The following TEX2 variants were observed in gnomAD, a reference collection of about 807,000 sequenced individuals.
TEX2 encodes testis-expressed protein 2.
In TEX2, 53 loss-of-function variants were observed where a neutral mutation model predicts 106.9. The ratio of observed to expected loss-of-function variants is 0.50; its 90% CI spans 0.40 to 0.62. The LOEUF (loss-of-function observed/expected upper bound fraction) is 0.62. Among genes scored for constraint, TEX2 ranks in the 20% least tolerant of loss-of-function variants. The pLI is 0.00. For missense variants in TEX2, 1,207 were observed against 1,379.0 expected, an observed-to-expected ratio of 0.88 and a Z score of 1.98; for synonymous variants, 523 against 534.8, an observed-to-expected ratio of 0.98 and a Z score of 0.30.
At chr17:64,170,662 C>T (rs1413476443) in intron 7 of TEX2, among the ~76,000 whole-genome samples, 10 of 109,072 alleles carry the variant, frequency 9.2e-5, no homozygotes, top group African/African-American at 2.5e-4. Flanking sequence ...GACAGAGTCT[C>T]GCTCTTGTCA....
chr17:64,149,341 TATA>T (rs1294616282), intron 11 of TEX2: 82 of 434,102 alleles, frequency 1.9e-4, no homozygotes, highest in African/African-American at 1.4e-3. Flanking sequence ...TTTGTATACA[TATA>T]ATAAGGTTGC....
chr17:64,235,007 A>G (rs551185419), intron 1 of TEX2, among the ~76,000 whole-genome samples: 5 of 152,264 alleles, frequency 3.3e-5, no homozygotes, highest in Non-Finnish European at 2.9e-5. Context: ...GAATTCTTGG[A>G]AAAAAGGGCC....
intron 1 of TEX2, among the ~76,000 whole-genome samples, chr17:64,229,000 TTAAC>T (rs1353006974): frequency 6.6e-6 from 1 of 151,760 alleles, no homozygotes; most frequent in Non-Finnish European, 1.5e-5. Context: ...TATGCCACTA[TTAAC>T]TTAATCATTT....
intron 1 of TEX2, among the ~76,000 whole-genome samples, chr17:64,255,021 C>A (rs922889797): frequency 1.4e-5 from 2 of 145,580 alleles, no homozygotes; most frequent in African/African-American, 2.5e-5. Context: ...TGTGTCACTG[C>A]ATCTGGCTTT....
chr17:64,193,773 C>T lies in TEX2; in HGVS notation c.1962G>A (p.Glu654=). The change falls in exon 4 of 12, where the codon GAG becomes GAA. Residue 654 remains glutamate, a synonymous_variant. Transcript: ENST00000584379. ...CAGCTGGCGGCTTCTCTTCTGAAGT[C>T]TCCTTATCAGTCTGAGCTTTAGACA... ...DFMSKAQTDK[E]TSEEKPPAEG... The T allele has an allele frequency of 6.2e-7, 1 of 1,613,642 alleles. No individual in the cohort carries two copies. The highest frequency in any genetic ancestry group is 8.5e-7 in the Non-Finnish European group (1 of 1,179,718).
At position 64,153,256 on chromosome 17, in the gene TEX2, TG is replaced by T; in HGVS notation, c.2931-103del. The T allele has an allele frequency of 1.3e-6, 1 of 781,804 alleles. No individual in the cohort carries two copies. The highest frequency in any genetic ancestry group is 2.1e-6 in the Non-Finnish European group (1 of 477,518). The allele number at this position is 781,804 out of a possible 1,614,324, so 48.4% of individuals were successfully genotyped here. A position where few individuals can be genotyped will look rare whatever the true frequency, so the allele number is the denominator to read the frequency against. ...CCCCTTACTTTAGAGCACCACTCGA[TG>T]TTTTGGATGTGGTGATTCTGTGTTG... On this transcript the variant is annotated intron_variant, in intron 9 of 11. Transcript: ENST00000584379. This position sits in a 1 kb window ranked among gnomAD's most constrained non-coding sequence, Gnocchi z 4.1.
intron 1 of TEX2, among the ~76,000 whole-genome samples, chr17:64,249,350 C>T (rs1452059108): frequency 6.6e-6 from 1 of 152,028 alleles, no homozygotes; most frequent in Non-Finnish European, 1.5e-5. Context: ...GGAAGGAGCT[C>T]AGGAGGAGCT....
Position 64,213,913 on chromosome 17 carries a change from TG to T in TEX2, c.304del (p.Gln102ArgfsTer13). 6.2e-7 allele frequency: 1 copy of T among 1,614,188 alleles called. No individual in the cohort carries two copies. Among genetic ancestry groups the T allele is most frequent in the South Asian group, 1.1e-5 (1 of 91,080 alleles). On this transcript the variant is annotated frameshift_variant, in exon 2 of 12. Coordinates refer to ENST00000584379, the MANE Select transcript of TEX2 (RefSeq NM_001288732.2). LOFTEE classifies it high-confidence loss of function. This position sits in a 1 kb window ranked among gnomAD's most constrained non-coding sequence, Gnocchi z 4.4. ...GGAGACGGGCAAAATGGCAGGGGCCTGGGACACGGACAGTCCATCTGCCAGG... is the reference window on the plus strand; with the variant it reads ...GGAGACGGGCAAAATGGCAGGGGCCTGGACACGGACAGTCCATCTGCCAGG... Reference protein sequence around the residue: ...PVLADGLSVSQAPAILPVSKN... With the variant: ...PVLADGLSVSXAPAILPVSKN...
intron 5 of TEX2, among the ~76,000 whole-genome samples, chr17:64,184,438 G>A (rs530071087): frequency 2.0e-5 from 3 of 152,180 alleles, no homozygotes; most frequent in African/African-American, 7.2e-5. Flanking sequence ...CTTTGTTATT[G>A]AGTTGTAAGA....
In TEX2 at chr17:64,153,179, G is replaced by A. The variant is rs749224108; in HGVS notation, c.2931-25C>T. 1.0e-5 allele frequency: 16 copies of A among 1,563,068 alleles called. No individual in the cohort carries two copies. The highest frequency in any genetic ancestry group is 3.4e-5 in the South Asian group (3 of 88,552). On this transcript the variant is annotated intron_variant, in intron 9 of 11. Coordinates refer to ENST00000584379, the MANE Select transcript of TEX2 (RefSeq NM_001288732.2). This position sits in a 1 kb window ranked among gnomAD's most constrained non-coding sequence, Gnocchi z 4.1. ...CCTTCAAATGTGGAACACAAAGGGC[G>A]GTTAGCACAAACTTTGCTCTTTTCA...
chr17:64,200,736 GA>G (rs1223673428), intron 2 of TEX2, among the ~76,000 whole-genome samples: 2 of 152,178 alleles, frequency 1.3e-5, no homozygotes, highest in African/African-American at 4.8e-5. Flanking sequence ...TGAGAGGCAA[GA>G]AGTAGGTAGG....
At chr17:64,160,750 A>C in intron 8 of TEX2, 51 bp downstream of exon 8, 8 of 1,603,980 alleles carry the variant, frequency 5.0e-6, no homozygotes, top group Non-Finnish European at 6.8e-6. Flanking sequence ...GGCTGGAGGG[A>C]GAAGCTGGTG....
At chr17:64,175,010 G>A (rs1598140749) in intron 6 of TEX2, among the ~76,000 whole-genome samples, 1 of 152,180 alleles carries the variant, frequency 6.6e-6, no homozygotes, top group South Asian at 2.1e-4. Context: ...AGGGAGATCT[G>A]TGTCACAGGG....
chr17:64,212,135 A>AGCACC (rs1189038227), intron 2 of TEX2, among the ~76,000 whole-genome samples: 2 of 152,204 alleles, frequency 1.3e-5, no homozygotes, highest in African/African-American at 4.8e-5. Context: ...AGGAAAGAGG[A>AGCACC]GCACCAGCAG....
chr17:64,262,054 T>C (rs1555638627), intron 1 of TEX2, among the ~76,000 whole-genome samples: 1 of 152,218 alleles, frequency 6.6e-6, no homozygotes, highest in South Asian at 2.1e-4. Context: ...TACACCTGGC[T>C]CCTGAAATGA....
Position 64,185,883 on chromosome 17 carries a change from T to C in TEX2, c.2424+2285A>G, listed in dbSNP as rs939534071. Among the ~76,000 whole-genome samples, 7 of 151,938 alleles carry C rather than the reference T, an allele frequency of 4.6e-5. No homozygotes were observed. Among genetic ancestry groups the C allele is most frequent in the Admixed American group, 2.0e-4 (3 of 15,248 alleles). On this transcript the variant is annotated intron_variant, in intron 5 of 11. Transcript: ENST00000584379. This position sits in a 1 kb window ranked among gnomAD's most constrained non-coding sequence, Gnocchi z 4.0. ...ATGGCAGTGAGCCAAGATCACGCCA[T>C]TGCACTCCAGCCTGGGGAAAAAGAG...
At chr17:64,171,719 CTG>C (rs1372756217) in intron 6 of TEX2, among the ~76,000 whole-genome samples, 3 of 152,204 alleles carry the variant, frequency 2.0e-5, no homozygotes, top group Non-Finnish European at 2.9e-5. Context: ...TGGCTCATGT[CTG>C]TAATCCCAAC....
At chr17:64,158,432 C>A (rs1375045009) in intron 8 of TEX2, among the ~76,000 whole-genome samples, 4 of 152,210 alleles carry the variant, frequency 2.6e-5, no homozygotes, top group African/African-American at 9.6e-5. Flanking sequence ...CCATGGGCTG[C>A]AGGGAGAGCC....
At chr17:64,221,212 G>C (rs1271148487) in intron 1 of TEX2, among the ~76,000 whole-genome samples, 2 of 152,134 alleles carry the variant, frequency 1.3e-5, no homozygotes, top group Non-Finnish European at 2.9e-5. Flanking sequence ...GGGGCAGGGG[G>C]CAGGAAGAGG....
Sources: allele counts gnomAD v4.1 joint callset (sites outside exome capture counted in the v4.1 genomes callset), GRCh38; gene constraint gnomAD v4.1.1; non-coding constraint Gnocchi (gnomAD v3.1); transcripts MANE v1.5; gene names NCBI Gene and HGNC (gene_info 2026-07-23, HGNC 2026-07-21).